TENM1: variants seen among roughly 807,000 people sequenced by gnomAD.
TENM1 encodes teneurin-1.
Under a neutral mutation model 174.8 loss-of-function variants are expected in TENM1, and 35 were observed. The ratio of observed to expected loss-of-function variants is 0.20; its 90% CI spans 0.15 to 0.27. The LOEUF (loss-of-function observed/expected upper bound fraction) is 0.27, where lower values mean the gene tolerates loss of function less well. Ranked by LOEUF, TENM1 falls within the 10% of genes least tolerant of loss-of-function variation. The pLI is 1.00. For synonymous variants in TENM1, 781 were observed against 798.7 expected (o/e 0.98, Z 0.37); for missense variants, 1,633 against 2,130.1 (o/e 0.77, Z 4.59).
intron 3 of TENM1, among the ~76,000 whole-genome samples, chrX:124,764,328 A>C (rs1021273194): frequency 6.3e-5 from 7 of 111,762 alleles, no homozygotes; most frequent in African/African-American, 9.8e-5. Context: ...AGCTTAGAGC[A>C]CACTGAGGAG....
chrX:125,122,682 T>C, the TENM1 span, among the ~76,000 whole-genome samples: 3 of 111,473 alleles, frequency 2.7e-5, no homozygotes, highest in Non-Finnish European at 5.7e-5. Context: ...GGGAAGTAGT[T>C]ATTACCTCAT....
At chrX:124,931,615 A>G (rs916552457) in intron 1 of TENM1, among the ~76,000 whole-genome samples, 7 of 111,608 alleles carry the variant, frequency 6.3e-5, no homozygotes, top group Non-Finnish European at 1.1e-4. Flanking sequence ...GAGTAACCAC[A>G]TAAGATTTCA....
chrX:124,806,218 T>C (rs949330199), intron 3 of TENM1, among the ~76,000 whole-genome samples: 6 of 111,926 alleles, frequency 5.4e-5, no homozygotes, highest in Non-Finnish European at 1.1e-4. Context: ...GAATTGATCA[T>C]GCTGAAGAAA....
At chrX:124,601,633 C>T (rs2050028964) in intron 11 of TENM1, among the ~76,000 whole-genome samples, 1 of 110,824 alleles carries the variant, frequency 9.0e-6, no homozygotes, top group Non-Finnish European at 1.9e-5. Flanking sequence ...AGTAATATTT[C>T]CAGGCACTTT....
intron 1 of TENM1, among the ~76,000 whole-genome samples, chrX:124,905,361 A>T (rs1380868503): frequency 8.9e-6 from 1 of 111,753 alleles, no homozygotes; most frequent in Admixed American, 9.5e-5. Context: ...AAGATTGAGA[A>T]AATAACTTTT....
chrX:124,561,932 G>A lies in TENM1; in HGVS notation c.2288-115C>T, dbSNP rs181879576. 52 of 750,132 alleles carry A rather than the reference G, an allele frequency of 6.9e-5. No homozygotes were observed. In the African/African-American group the frequency reaches 1.0e-3, roughly 15 times the overall value. The allele number at this position is 750,132 out of a possible 1,213,427, so 61.8% of individuals were successfully genotyped here. On this transcript the variant is annotated intron_variant, in intron 13 of 31. Coordinates refer to ENST00000422452, the Ensembl canonical transcript of TENM1. ...CATCTGGGCCCCATTCAGATGAGGT[G>A]TTGAATAAATGGAAGAGGAGCTTGC...
At chrX:124,864,304 G>T (rs539076212) in intron 3 of TENM1, among the ~76,000 whole-genome samples, 2 of 112,036 alleles carry the variant, frequency 1.8e-5, no homozygotes, top group African/African-American at 6.5e-5. Flanking sequence ...CTTTCAGACA[G>T]AGGATCCAAA....
At chrX:125,144,365 A>T in the TENM1 span, among the ~76,000 whole-genome samples, 2 of 111,804 alleles carry the variant, frequency 1.8e-5, no homozygotes, top group South Asian at 7.5e-4. Context: ...ACTTTCCAAA[A>T]TGATTATGAA....
At chrX:125,179,019 A>G in the TENM1 span, among the ~76,000 whole-genome samples, 6 of 111,372 alleles carry the variant, frequency 5.4e-5, no homozygotes, top group East Asian at 1.4e-3. Context: ...TTTTGCACAA[A>G]GAAGAGTTAA....
the TENM1 span, among the ~76,000 whole-genome samples, chrX:125,196,588 C>T: frequency 9.0e-6 from 1 of 111,505 alleles, no homozygotes; most frequent in East Asian, 2.8e-4. Flanking sequence ...ATGTTGACCA[C>T]AAACTTTTTG....
chrX:124,421,012 C>G (rs2060646977), intron 24 of TENM1, among the ~76,000 whole-genome samples, 191 bp from the exon 28 acceptor site: 1 of 112,387 alleles, frequency 8.9e-6, no homozygotes, highest in African/African-American at 3.2e-5. Flanking sequence ...GTCAGTACCA[C>G]TGCAGATGAA....
chrX:124,554,796 G>A (rs377241652), intron 14 of TENM1, among the ~76,000 whole-genome samples: 2 of 111,540 alleles, frequency 1.8e-5, no homozygotes, highest in South Asian at 7.6e-4. Context: ...CATAAAAGAG[G>A]CTTGCAAATA....
chrX:124,590,931 T>C (rs2148252799), intron 11 of TENM1, among the ~76,000 whole-genome samples: 1 of 112,586 alleles, frequency 8.9e-6, no homozygotes, highest in African/African-American at 3.2e-5. Context: ...TGGGTGTGTG[T>C]ATATTTATGA....
At chrX:125,095,127 T>G in the TENM1 span, among the ~76,000 whole-genome samples, 2 of 111,996 alleles carry the variant, frequency 1.8e-5, no homozygotes, top group Non-Finnish European at 3.8e-5. Flanking sequence ...GTGTCAATCA[T>G]GAACTCAGGT....
chrX:124,477,815 A>T (rs2046764687), intron 22 of TENM1, among the ~76,000 whole-genome samples: 1 of 111,697 alleles, frequency 9.0e-6, no homozygotes, highest in East Asian at 2.8e-4. Context: ...CCTGGTTTGA[A>T]TTCCAGTGTT....
At chrX:125,015,864 A>G in the TENM1 span, among the ~76,000 whole-genome samples, 2 of 111,587 alleles carry the variant, frequency 1.8e-5, no homozygotes, top group Non-Finnish European at 1.9e-5. Context: ...TCGGTTTCAA[A>G]AATAGTAAAA....
At chrX:124,805,737 C>T (rs1211414326) in intron 3 of TENM1, among the ~76,000 whole-genome samples, 2 of 113,125 alleles carry the variant, frequency 1.8e-5, no homozygotes, top group Non-Finnish European at 3.7e-5. Context: ...GGGCACTCCC[C>T]TAGCACCACA....
chrX:124,638,490 T>C (rs1378237252), intron 11 of TENM1, among the ~76,000 whole-genome samples: 1 of 111,442 alleles, frequency 9.0e-6, no homozygotes, highest in Non-Finnish European at 1.9e-5. Context: ...TTGATCAATA[T>C]GTATTTATTA....
At chrX:124,541,964 G>A (rs2048329331) in intron 15 of TENM1, among the ~76,000 whole-genome samples, 1 of 111,876 alleles carries the variant, frequency 8.9e-6, no homozygotes, top group South Asian at 3.8e-4. Context: ...GGAGCCCTAG[G>A]CTACCATATA....
Sources: gnomAD v4.1 joint callset for allele counts (sites outside exome capture counted in the v4.1 genomes callset) on GRCh38, gnomAD v4.1.1 for gene constraint, MANE v1.5 for transcripts, NCBI Gene and HGNC (gene_info 2026-07-23, HGNC 2026-07-21) for gene names.